Variants in PDE1A observed in about 807,000 individuals in gnomAD.
PDE1A encodes phosphodiesterase 1A, also known as dual specificity calcium/calmodulin-dependent 3',5'-cyclic nucleotide phosphodiesterase 1A.
Under a neutral mutation model 61.7 loss-of-function variants are expected in PDE1A, and 35 were observed. The observed-to-expected ratio is 0.57, with a 90% CI of 0.43 to 0.75. PDE1A has a LOEUF of 0.75. Ranked by LOEUF, PDE1A falls within the 30% of genes least tolerant of loss-of-function variation. The pLI, the probability that PDE1A is intolerant of heterozygous loss-of-function variation, is 0.00. For missense variants in PDE1A, 597 were observed against 630.6 expected (o/e 0.95, Z 0.57); for synonymous variants, 232 against 213.2 (o/e 1.09, Z -0.77).
chr2:182,660,798 G>A, the PDE1A span, among the ~76,000 whole-genome samples: 1 of 152,208 alleles, frequency 6.6e-6, no homozygotes, highest in Non-Finnish European at 1.5e-5. Context: ...CCTAAACCCA[G>A]ATAAGAACCA....
the PDE1A span, among the ~76,000 whole-genome samples, chr2:182,542,132 A>G: frequency 6.6e-6 from 1 of 152,206 alleles, no homozygotes; most frequent in African/African-American, 2.4e-5. Flanking sequence ...AGATTATTTT[A>G]AAATCAAGCA....
At chr2:182,393,192 A>C (rs1435024105) in intron 1 of PDE1A, among the ~76,000 whole-genome samples, 3 of 152,208 alleles carry the variant, frequency 2.0e-5, no homozygotes, top group Non-Finnish European at 4.4e-5. Context: ...AGAGGTTCCC[A>C]AACTTCAATT....
At chr2:182,257,821 C>T (rs967623441) in intron 2 of PDE1A, among the ~76,000 whole-genome samples, 4 of 152,082 alleles carry the variant, frequency 2.6e-5, no homozygotes, top group African/African-American at 9.7e-5. Context: ...AGAGGATGCA[C>T]CAAGATGCTT....
chr2:182,535,889 A>G, the PDE1A span, among the ~76,000 whole-genome samples: 16 of 152,208 alleles, frequency 1.1e-4, no homozygotes, highest in Non-Finnish European at 1.9e-4. Context: ...GGCTTTAGAA[A>G]ATTGCCACTT....
intron 2 of PDE1A, among the ~76,000 whole-genome samples, chr2:182,468,095 G>A (rs1686790688): frequency 2.6e-5 from 4 of 151,976 alleles, no homozygotes; most frequent in African/African-American, 7.2e-5. Context: ...TGAGTGATCA[G>A]GACGGTGGTT....
At chr2:182,230,263 T>C in intron 5 of PDE1A, 117 bp from the exon 6 acceptor site, 5 of 699,780 alleles carry the variant, frequency 7.1e-6, no homozygotes, top group South Asian at 2.2e-5. Context: ...AGTTTCTTTA[T>C]GTCAAATGTT....
At chr2:182,384,954 C>T (rs1217812460) in intron 1 of PDE1A, among the ~76,000 whole-genome samples, 13 of 152,044 alleles carry the variant, frequency 8.6e-5, no homozygotes, top group Admixed American at 7.9e-4. Flanking sequence ...TAATAGGATT[C>T]CAGTACAGCT....
chr2:182,256,038 C>CTTTTTTTTTTTTTTTTTTTTTTT (rs755211798), intron 2 of PDE1A, among the ~76,000 whole-genome samples: 104 of 92,262 alleles, frequency 1.1e-3, no homozygotes, highest in East Asian at 3.0e-3. Flanking sequence ...AGGATGACTT[C>CTTTTTTTTTTTTTTTTTTTTTTT]TTTTTTTTTT....
chr2:182,408,059 T>C (rs1209894753), intron 1 of PDE1A, among the ~76,000 whole-genome samples: 3 of 151,804 alleles, frequency 2.0e-5, no homozygotes, highest in African/African-American at 7.3e-5. Flanking sequence ...TGGCATGTGA[T>C]GATAATAAAA....
chr2:182,565,574 CAA>C, the PDE1A span, among the ~76,000 whole-genome samples: 3 of 152,072 alleles, frequency 2.0e-5, no homozygotes, highest in Non-Finnish European at 4.4e-5. Context: ...AGCACAGAAT[CAA>C]AGAGTCCTAC....
the PDE1A span, among the ~76,000 whole-genome samples, chr2:182,642,649 A>C: frequency 6.6e-6 from 1 of 152,160 alleles, no homozygotes; most frequent in African/African-American, 2.4e-5. Context: ...ATCTCTTAAA[A>C]GGAATTGGGG....
intron 7 of PDE1A, among the ~76,000 whole-genome samples, chr2:182,214,762 A>C (rs926688704): frequency 9.5e-5 from 12 of 126,854 alleles, no homozygotes; most frequent in Middle Eastern, 7.0e-3. Context: ...CAGTTTCATA[A>C]AGCAAGTCCT....
chr2:182,167,947 G>C, exon 14 of PDE1A: 1 of 1,155,968 alleles, frequency 8.7e-7, no homozygotes, highest in Non-Finnish European at 1.1e-6. Context: ...GCTGCTCAAA[G>C]AAAATTTATT....
intron 3 of PDE1A, among the ~76,000 whole-genome samples, chr2:182,235,603 G>A (rs1387802159): frequency 2.0e-5 from 3 of 152,038 alleles, no homozygotes; most frequent in African/African-American, 4.8e-5. Flanking sequence ...GCTTCTATTC[G>A]GGACTCTGAA....
At chr2:182,417,530 T>C (rs1702995008) in intron 1 of PDE1A, among the ~76,000 whole-genome samples, 1 of 152,192 alleles carries the variant, frequency 6.6e-6, no homozygotes, top group Non-Finnish European at 1.5e-5. Flanking sequence ...TTGTCTCTGT[T>C]CTATATCCTA....
chr2:182,529,222 C>T, the PDE1A span, among the ~76,000 whole-genome samples: 1 of 152,200 alleles, frequency 6.6e-6, no homozygotes, highest in Non-Finnish European at 1.5e-5. Context: ...GGCAGAGCTG[C>T]CAAAGACCAT....
At chr2:182,374,044 G>A (rs999139795) in intron 1 of PDE1A, among the ~76,000 whole-genome samples, 2 of 152,118 alleles carry the variant, frequency 1.3e-5, no homozygotes, top group Non-Finnish European at 2.9e-5. Context: ...CAAGTATTTG[G>A]TGAATGGTGG....
At chr2:182,265,634 A>G (rs992536360) in intron 1 of PDE1A, among the ~76,000 whole-genome samples, 3 of 152,184 alleles carry the variant, frequency 2.0e-5, no homozygotes, top group Admixed American at 6.6e-5. Context: ...GATAATTGTT[A>G]TATAGCAATA....
At chr2:182,700,738 A>AAAAAAAAAAAAAAAAAAAAAT in the PDE1A span, among the ~76,000 whole-genome samples, 1 of 143,806 alleles carries the variant, frequency 7.0e-6, no homozygotes, top group Non-Finnish European at 1.5e-5. Context: ...AAAAAAAAAA[A>AAAAAAAAAAAAAAAAAAAAAT]AACAGAAAGA....
Sources: gnomAD v4.1 joint callset for allele counts (sites outside exome capture counted in the v4.1 genomes callset) on GRCh38, gnomAD v4.1.1 for gene constraint, MANE v1.5 for transcripts, NCBI Gene and HGNC (gene_info 2026-07-23, HGNC 2026-07-21) for gene names.